RFX3: variants seen among roughly 807,000 people sequenced by gnomAD.
RFX3 encodes regulatory factor X3, also known as transcription factor RFX3.
A neutral mutation model predicts 98.6 loss-of-function variants in RFX3; 14 were observed. The observed-to-expected ratio is 0.14, with a 90% confidence interval of 0.09 to 0.22. The LOEUF (loss-of-function observed/expected upper bound fraction) is 0.22. Ranked by LOEUF, RFX3 falls within the 10% of genes least tolerant of loss-of-function variation. The probability of loss-of-function intolerance (pLI) is 1.00; values close to 1 mark genes in which losing one functional copy is unlikely to be tolerated. For synonymous variants in RFX3, 383 were observed against 328.4 expected, an observed-to-expected ratio of 1.17 and a Z score of -1.80; for missense variants, 639 against 926.9, an observed-to-expected ratio of 0.69 and a Z score of 4.03.
At chr9:3,370,378 T>C (rs1461689147) in intron 2 of RFX3, among the ~76,000 whole-genome samples, 1 of 151,862 alleles carries the variant, frequency 6.6e-6, no homozygotes, top group African/African-American at 2.4e-5. Context: ...AGTATCAATA[T>C]TCAGTCCCTT....
intron 14 of RFX3, among the ~76,000 whole-genome samples, chr9:3,251,804 T>C (rs1053726499): frequency 6.6e-6 from 1 of 152,102 alleles, no homozygotes; most frequent in Non-Finnish European, 1.5e-5. Context: ...GAGTCTTTCT[T>C]TATATATTTC....
At chr9:3,227,525 G>A (rs558558307) in intron 16 of RFX3, among the ~76,000 whole-genome samples, 15 of 152,314 alleles carry the variant, frequency 9.8e-5, no homozygotes, top group African/African-American at 2.2e-4. Flanking sequence ...AAAATTAGGC[G>A]CTACAGGAGT....
chr9:3,412,038 G>C (rs923352714), intron 1 of RFX3, among the ~76,000 whole-genome samples: 1 of 152,126 alleles, frequency 6.6e-6, no homozygotes, highest in Non-Finnish European at 1.5e-5. Context: ...AAAAATAACA[G>C]CTAAGCTATT....
chr9:3,489,003 C>T (rs1850512505), intron 1 of RFX3: 1 of 481,988 alleles, frequency 2.1e-6, no homozygotes, highest in Non-Finnish European at 2.7e-6. Flanking sequence ...AACATGAACA[C>T]AATTTTTAGA....
At chr9:3,446,473 G>A (rs1846061645) in intron 1 of RFX3, among the ~76,000 whole-genome samples, 1 of 151,926 alleles carries the variant, frequency 6.6e-6, no homozygotes, top group Non-Finnish European at 1.5e-5. Context: ...CTGATGACTT[G>A]TCAAGAAGAA....
chr9:3,298,553 C>A (rs1385523428), intron 5 of RFX3, among the ~76,000 whole-genome samples: 1 of 151,736 alleles, frequency 6.6e-6, no homozygotes, highest in Non-Finnish European at 1.5e-5. Context: ...CACTGGTGAA[C>A]AAAACATACA....
chr9:3,266,473 C>T (rs2131276499), intron 11 of RFX3, among the ~76,000 whole-genome samples, 168 bp from the exon 12 acceptor site: 1 of 152,082 alleles, frequency 6.6e-6, no homozygotes, highest in Admixed American at 6.6e-5. Flanking sequence ...TTTAAAGCAT[C>T]CAAGAATTAT....
At chr9:3,225,519 G>C (rs1203680310) in intron 16 of RFX3, among the ~76,000 whole-genome samples, 1 of 148,248 alleles carries the variant, frequency 6.7e-6, no homozygotes, top group East Asian at 1.9e-4. Flanking sequence ...ACTTGTGATT[G>C]ATACTTTGTT....
intron 1 of RFX3, among the ~76,000 whole-genome samples, chr9:3,403,140 C>T (rs1460307836): frequency 6.6e-6 from 1 of 151,970 alleles, no homozygotes; most frequent in Non-Finnish European, 1.5e-5. Flanking sequence ...GCTTCACCTA[C>T]GAATATAAAA....
chr9:3,276,930 C>T (rs190756449), intron 8 of RFX3, among the ~76,000 whole-genome samples: 1 of 151,938 alleles, frequency 6.6e-6, no homozygotes, highest in African/African-American at 2.4e-5. Flanking sequence ...GAATAAATTA[C>T]TTTAAAAAAG....
At chr9:3,452,656 G>A (rs1846763639) in intron 1 of RFX3, among the ~76,000 whole-genome samples, 1 of 152,162 alleles carries the variant, frequency 6.6e-6, no homozygotes, top group African/African-American at 2.4e-5. Flanking sequence ...TTCTGTGTGG[G>A]GGAATAGGAG....
intron 1 of RFX3, among the ~76,000 whole-genome samples, chr9:3,487,554 A>C (rs891445488): frequency 2.0e-5 from 3 of 152,176 alleles, no homozygotes; most frequent in African/African-American, 7.2e-5. Context: ...CATTAGAAAA[A>C]GCAGCATATA....
intron 1 of RFX3, among the ~76,000 whole-genome samples, chr9:3,522,734 T>C (rs917556574): frequency 6.6e-6 from 1 of 152,168 alleles, no homozygotes; most frequent in African/African-American, 2.4e-5. Flanking sequence ...AATATCAACT[T>C]TCTCAAGAAA....
rs1162637336 is a variant in RFX3 at position 3,525,882 on chromosome 9, C to G, written c.-144G>C. On this transcript the variant is annotated 5_prime_UTR_variant, in exon 1 of 17. Coordinates refer to ENST00000617270, the MANE Select transcript of RFX3 (RefSeq NM_001282116.2). ...GTAACAGTCGCCAGGACTACGGTGA[C>G]TATGGCGCTTGATTCACAAGGCAAC... 1.2e-5 allele frequency: 12 copies of G among 984,406 alleles called. No individual in the cohort carries two copies. Among genetic ancestry groups the G allele is most frequent in the Non-Finnish European group, 1.3e-5 (11 of 829,864 alleles). The allele number at this position is 984,406 out of a possible 1,614,324, so 61.0% of individuals were successfully genotyped here.
intron 14 of RFX3, among the ~76,000 whole-genome samples, chr9:3,253,252 T>C (rs1311334515): frequency 6.6e-6 from 1 of 152,186 alleles, no homozygotes; most frequent in Non-Finnish European, 1.5e-5. Flanking sequence ...ACCCTTCAGG[T>C]GAGAACATCA....
At chr9:3,242,061 T>C (rs1295200706) in intron 15 of RFX3, among the ~76,000 whole-genome samples, 3 of 152,174 alleles carry the variant, frequency 2.0e-5, no homozygotes, top group Non-Finnish European at 4.4e-5. Context: ...ATTTATATGG[T>C]GAAAAACTGA....
chr9:3,252,484 G>A (rs1235450207), intron 14 of RFX3, among the ~76,000 whole-genome samples: 2 of 152,186 alleles, frequency 1.3e-5, no homozygotes, highest in African/African-American at 4.8e-5. Flanking sequence ...AGCAGAAACT[G>A]GATTGAAGTG....
Position 3,260,948 on chromosome 9 carries a change from G to C in RFX3, c.1605+1987C>G, listed in dbSNP as rs562576213. ...TATATATCTCAGAAGTTTGAACCCA[G>C]TCCATGAAAGTCTCAATGAACAACT... On this transcript the variant is annotated intron_variant, in intron 13 of 16. Coordinates refer to ENST00000617270, the MANE Select transcript of RFX3 (RefSeq NM_001282116.2). Among the ~76,000 whole-genome samples, 12 of 150,924 alleles carry C rather than the reference G, an allele frequency of 8.0e-5. 2 individuals carry two copies. The highest frequency in any genetic ancestry group is 2.9e-4 in the African/African-American group (12 of 41,334).
chr9:3,300,514 A>C (rs370789583), intron 5 of RFX3, among the ~76,000 whole-genome samples: 2 of 151,976 alleles, frequency 1.3e-5, no homozygotes, highest in East Asian at 3.9e-4. Flanking sequence ...CACAGTTAAA[A>C]CATTTTCTAT....
Sources: allele counts gnomAD v4.1 joint callset (sites outside exome capture counted in the v4.1 genomes callset), GRCh38; gene constraint gnomAD v4.1.1; transcripts MANE v1.5; gene names NCBI Gene and HGNC (gene_info 2026-07-23, HGNC 2026-07-21).